STAP2: variants seen among roughly 807,000 people sequenced by gnomAD.
The protein encoded by STAP2 is signal-transducing adaptor protein 2.
A neutral mutation model predicts 52.7 loss-of-function variants in STAP2; 58 were observed. That is an observed-to-expected ratio of 1.10 (90% CI 0.89 to 1.37). The LOEUF (loss-of-function observed/expected upper bound fraction) is 1.37, where lower values mean the gene tolerates loss of function less well. Ranked by LOEUF, STAP2 falls within the 40% of genes most tolerant of loss-of-function variation. The pLI is 0.00. For synonymous variants in STAP2, 231 were observed against 210.5 expected (o/e 1.10, Z -0.84); for missense variants, 522 against 519.4 (o/e 1.00, Z -0.05).
chr19:4,328,618 C>T lies in STAP2; in HGVS notation c.590+57G>A, dbSNP rs867085469. On this transcript the variant is annotated intron_variant, in intron 6 of 12. Transcript: ENST00000594605. The stretch of plus-strand genomic sequence containing the variant: ...GCCCCTGCTTCTGACCACGCCCCCG[C>T]GCCCACCCTCTTCCCACCCTCCTCC... 2.6e-6 allele frequency: 4 copies of T among 1,538,880 alleles called. No homozygotes were observed. In the Admixed American group the frequency reaches 5.9e-5, roughly 23 times the overall value.
intron 6 of STAP2, 86 bp from the exon 7 acceptor site, chr19:4,327,471 G>T: frequency 2.1e-6 from 3 of 1,425,958 alleles, no homozygotes; most frequent in Non-Finnish European, 2.9e-6. Context: ...TCCAGGCTCC[G>T]CCTCCAATAG....
At position 4,337,146 on chromosome 19, in the gene STAP2, C is replaced by G. The variant is rs535564939; in HGVS notation, c.102+1506G>C. Among the ~76,000 whole-genome samples, 43 of 151,848 alleles carry G rather than the reference C, an allele frequency of 2.8e-4. No individual in the cohort carries two copies. The South Asian group carries it at 3.7e-3, about 13-fold the overall frequency. ...GAGGCAGTCATGGTGGCTCACACCT[C>G]TAATCCCAGCAGTTTGGGAGGCTGA... is the stretch of plus-strand genomic sequence containing the variant. On this transcript the variant is annotated intron_variant, in intron 1 of 12. Coordinates refer to ENST00000594605, the MANE Select transcript of STAP2 (RefSeq NM_001013841.2).
In STAP2 at chr19:4,338,562, C is replaced by A. The variant is rs978217210; in HGVS notation, c.102+90G>T. The A allele has an allele frequency of 6.4e-4, 511 of 803,966 alleles. 19 individuals carry two copies. Among genetic ancestry groups the A allele is most frequent in the Non-Finnish European group, 8.1e-4 (441 of 545,926 alleles). 49.8% of individuals were successfully genotyped at this position (803,966 alleles called of 1,614,324 possible). A position where few individuals can be genotyped will look rare whatever the true frequency, so the allele number is the denominator to read the frequency against. ...CCCCATCCAGCACCCACCCCGCCCC[C>A]CCTTGGCGAGTGGGGAGACAGGGAC... On this transcript the variant is annotated intron_variant, in intron 1 of 12. Transcript: ENST00000594605.
chr19:4,337,083 G>A (rs776161148), intron 1 of STAP2, among the ~76,000 whole-genome samples: 1 of 152,080 alleles, frequency 6.6e-6, no homozygotes, highest in Non-Finnish European at 1.5e-5. Flanking sequence ...TGGGCAGGGA[G>A]GAGCTGGGGG....
At position 4,338,775 on chromosome 19, in the gene STAP2, C is replaced by T; in HGVS notation, c.-22G>A. The stretch of plus-strand genomic sequence containing the variant: ...CCATGACGGAGCCAGGGTCTTCCGC[C>T]TGGCCTCTCCTTCCAGTGGGTGCCC... On this transcript the variant is annotated 5_prime_UTR_variant, in exon 1 of 13. Transcript: ENST00000594605. 1 of 1,598,100 alleles carries T rather than the reference C, an allele frequency of 6.3e-7. No homozygotes were observed. Among genetic ancestry groups the T allele is most frequent in the Non-Finnish European group, 8.5e-7 (1 of 1,169,944 alleles).
At chr19:4,325,332 G>C in intron 10 of STAP2, 24 bp from the exon 11 acceptor site, 3 of 1,614,202 alleles carry the variant, frequency 1.9e-6, no homozygotes, top group Non-Finnish European at 2.5e-6. Context: ...AGTGTAACGT[G>C]TCACATCAGC....
chr19:4,324,986 A>G, intron 11 of STAP2: 1 of 517,740 alleles, frequency 1.9e-6, no homozygotes, highest in Non-Finnish European at 3.5e-6. Context: ...TACAAAAAAA[A>G]AAATTAGCTG....
At position 4,324,785 on chromosome 19, in the gene STAP2, T is replaced by G. The variant is rs546482049; in HGVS notation, c.1073-256A>C. On this transcript the variant is annotated intron_variant, in intron 11 of 12. Transcript: ENST00000594605. The stretch of plus-strand genomic sequence containing the variant: ...AGACAGAGGTTGCAGTGAGCTGAGA[T>G]CGCGCCACTGCCTGGGCAACAGAGT... The G allele has an allele frequency of 1.4e-3, 648 of 475,604 alleles. 10 individuals are homozygous for G. The South Asian group carries it at 0.015, about 11-fold the overall frequency. The allele number at this position is 475,604 out of a possible 1,614,324, so 29.5% of individuals were successfully genotyped here.
At chr19:4,325,900 G>C (rs1027628947) in intron 9 of STAP2, among the ~76,000 whole-genome samples, 1 of 151,746 alleles carries the variant, frequency 6.6e-6, no homozygotes, top group Non-Finnish European at 1.5e-5. Context: ...ACCTGGGAGG[G>C]AGAGGTTGCA....
Position 4,333,718 on chromosome 19 carries a change from G to C in STAP2, c.273C>G (p.Leu91=). ...RDPGTHFSLI[L]RDQEIKFKVE... ...CCTTGAACTTGATCTCCTGATCCCG[G>C]AGAATCAGGCTGAAGTGGGTGCCAG... The change falls in exon 3 of 13, where the codon CTC becomes CTG. Residue 91 remains leucine (L), a synonymous_variant. Coordinates refer to ENST00000594605, the MANE Select transcript of STAP2 (RefSeq NM_001013841.2). 6.2e-7 allele frequency: 1 copy of C among 1,612,738 alleles called. No individual in the cohort carries two copies. The highest frequency in any genetic ancestry group is 8.5e-7 in the Non-Finnish European group (1 of 1,179,950).
At chr19:4,330,297 G>A (rs1198717885) in intron 4 of STAP2, among the ~76,000 whole-genome samples, 3 of 151,904 alleles carry the variant, frequency 2.0e-5, no homozygotes, top group African/African-American at 7.3e-5. Context: ...GAGGCGGGCG[G>A]ATCACCTAAG....
rs769101366 is a variant in STAP2 at position 4,328,761 on chromosome 19, G to A, written c.504C>T (p.Arg168=). 35 of 1,610,812 alleles carry A rather than the reference G, an allele frequency of 2.2e-5. No homozygotes were observed. Among genetic ancestry groups the A allele is most frequent in the Middle Eastern group, 3.3e-4 (2 of 5,992 alleles). ...SRLEAQLLLE[R]YPECGNLLLR... ...GCAGCAGGTTCCCGCACTCGGGGTA[G>A]CGCTCCAGGAGCAGTTGTGCCTCCA... Residue 168 remains arginine (R), a synonymous_variant, in exon 6 of 13, where the codon CGC becomes CGT. Transcript: ENST00000594605.
intron 1 of STAP2, among the ~76,000 whole-genome samples, chr19:4,335,435 C>A (rs1042926503): frequency 5.9e-5 from 9 of 151,828 alleles, no homozygotes; most frequent in African/African-American, 2.2e-4. Context: ...TCCACTCCCC[C>A]ATCCATCCAT....
rs1483503086 is a variant in STAP2 at position 4,328,671 on chromosome 19, G to A, written c.590+4C>T. 1.9e-6 allele frequency: 3 copies of A among 1,573,582 alleles called. No individual in the cohort carries two copies. The highest frequency in any genetic ancestry group is 2.8e-5 in the African/African-American group (2 of 72,652). On this transcript the variant is annotated splice_donor_region_variant and intron_variant, in intron 6 of 12. Transcript: ENST00000594605. The stretch of plus-strand genomic sequence containing the variant: ...CCCAGGGCTCTCCAGACGCGCATGC[G>A]CACCCGTTGTGCATCTGCCGCGTGG...
intron 1 of STAP2, among the ~76,000 whole-genome samples, chr19:4,335,354 A>G (rs974745473): frequency 6.7e-6 from 1 of 148,534 alleles, no homozygotes; most frequent in African/African-American, 2.5e-5. Flanking sequence ...TCATCCATCT[A>G]TCATTCATCC....
intron 9 of STAP2, 90 bp from the exon 10 acceptor site, chr19:4,325,635 C>G: frequency 1.4e-6 from 2 of 1,419,380 alleles, no homozygotes; most frequent in Non-Finnish European, 1.9e-6. Flanking sequence ...TGCCTGGAGA[C>G]AGGCATGTGT....
In STAP2 at chr19:4,324,181, C is replaced by T. The variant is rs766001944; in HGVS notation, c.1164G>A (p.Thr388=). 25 of 1,551,260 alleles carry T rather than the reference C, an allele frequency of 1.6e-5. No individual in the cohort carries two copies. The highest frequency in any genetic ancestry group is 4.1e-5 in the African/African-American group (3 of 73,010). ...TCTCCAGCTTCTTCTGTAGCTCTGC[C>T]GTCATGTCTGCCAGCCCTGGGGGTT... The part of the protein sequence containing the change: ...LFPTAGLADM[T]AELQKKLEKR... Residue 388 remains threonine, a synonymous_variant, in exon 13 of 13, where the codon ACG becomes ACA. Transcript: ENST00000594605.
At chr19:4,324,373 G>T in intron 12 of STAP2, 82 bp downstream of exon 12, 2 of 1,367,016 alleles carry the variant, frequency 1.5e-6, no homozygotes, top group Non-Finnish European at 2.0e-6. Flanking sequence ...AAGACAGGGC[G>T]CTTCGGAGTG....
chr19:4,328,817 G>A lies in STAP2; in HGVS notation c.456-8C>T. Reference sequence around the variant, plus strand: ...CTCACCTTCAGGAAGCACCTGTGGCGGGCCGCGTCACCCACTCGGGACCCC... The same window carrying A: ...CTCACCTTCAGGAAGCACCTGTGGCAGGCCGCGTCACCCACTCGGGACCCC... On this transcript the variant is annotated splice_region_variant and splice_polypyrimidine_tract_variant and intron_variant, in intron 5 of 12. Coordinates refer to ENST00000594605, the MANE Select transcript of STAP2 (RefSeq NM_001013841.2). 6.2e-7 allele frequency: 1 copy of A among 1,607,350 alleles called. No individual in the cohort carries two copies. Among genetic ancestry groups the A allele is most frequent in the Non-Finnish European group, 8.5e-7 (1 of 1,177,500 alleles).
Sources: allele counts gnomAD v4.1 joint callset (sites outside exome capture counted in the v4.1 genomes callset), GRCh38; gene constraint gnomAD v4.1.1; transcripts MANE v1.5; gene names NCBI Gene and HGNC (gene_info 2026-07-23, HGNC 2026-07-21).